MAP7: variants seen among roughly 807,000 people sequenced by gnomAD.
The protein encoded by MAP7 is microtubule associated protein 7, also known as ensconsin.
Under a neutral mutation model 94.8 loss-of-function variants are expected in MAP7, and 52 were observed. That is an observed-to-expected ratio of 0.55 (90% confidence interval 0.44 to 0.69). The LOEUF (loss-of-function observed/expected upper bound fraction) is 0.69. MAP7 is among the 30% of genes least tolerant of loss of function. The pLI is 0.00. For missense variants in MAP7, 940 were observed against 964.6 expected (o/e 0.97, Z 0.34); for synonymous variants, 350 against 357.0 (o/e 0.98, Z 0.22).
At chr6:136,525,448 A>G (rs368970817) in intron 1 of MAP7, among the ~76,000 whole-genome samples, 2 of 152,198 alleles carry the variant, frequency 1.3e-5, no homozygotes, top group South Asian at 4.1e-4. Flanking sequence ...TAAAATAAGC[A>G]AAAATTATCT....
At chr6:136,429,272 T>A (rs1370454282) in intron 1 of MAP7, among the ~76,000 whole-genome samples, 1 of 152,212 alleles carries the variant, frequency 6.6e-6, no homozygotes, top group African/African-American at 2.4e-5. Context: ...ACAGTGAGAA[T>A]CTCAGGAATT....
intron 12 of MAP7, 61 bp downstream of exon 12, chr6:136,360,944 G>C (rs1285572231): frequency 6.5e-7 from 1 of 1,547,290 alleles, no homozygotes; most frequent in East Asian, 2.3e-5. Flanking sequence ...ACCCTCCTCT[G>C]CTGGGCTGGG....
chr6:136,421,374 C>T (rs1481554418), intron 2 of MAP7, among the ~76,000 whole-genome samples: 2 of 152,204 alleles, frequency 1.3e-5, no homozygotes, highest in Admixed American at 6.5e-5. Context: ...ATTATTACCC[C>T]TTTAAGCTGC....
chr6:136,489,526 CTTTTTTTTTT>C (rs1164047042), intron 1 of MAP7, among the ~76,000 whole-genome samples: 3,421 of 103,020 alleles, frequency 0.033, 155 homozygotes, highest in African/African-American at 0.12. Flanking sequence ...CATCAGGTTT[CTTTTTTTTTT>C]TTTTTTTTTT....
chr6:136,527,794 C>T (rs1475618906), intron 1 of MAP7, among the ~76,000 whole-genome samples: 4 of 152,124 alleles, frequency 2.6e-5, no homozygotes, highest in African/African-American at 7.2e-5. Flanking sequence ...TATTGTCCAG[C>T]ATGGTGCTGG....
chr6:136,447,170 A>G (rs1799612191), intron 1 of MAP7, among the ~76,000 whole-genome samples: 1 of 152,196 alleles, frequency 6.6e-6, no homozygotes, highest in African/African-American at 2.4e-5. Context: ...CACCCCCCCG[A>G]AATTTGTTGT....
intron 16 of MAP7, among the ~76,000 whole-genome samples, chr6:136,354,444 ATAG>A (rs959390622): frequency 1.5e-5 from 2 of 132,604 alleles, no homozygotes; most frequent in African/African-American, 6.4e-5. Flanking sequence ...ATATATATAT[ATAG>A]TAGATATATA....
At chr6:136,449,288 C>A (rs1032236782) in intron 1 of MAP7, among the ~76,000 whole-genome samples, 3 of 150,086 alleles carry the variant, frequency 2.0e-5, no homozygotes, top group Admixed American at 6.6e-5. Context: ...GAGCAAGACT[C>A]CTTCAAACAA....
At chr6:136,394,259 A>G (rs1016888778) in intron 3 of MAP7, among the ~76,000 whole-genome samples, 4 of 152,162 alleles carry the variant, frequency 2.6e-5, no homozygotes, top group Admixed American at 1.3e-4. Flanking sequence ...CTAGGATTAC[A>G]GGCGTGAGCC....
intron 13 of MAP7, among the ~76,000 whole-genome samples, chr6:136,360,394 C>T (rs374004840): frequency 6.9e-4 from 105 of 152,276 alleles, no homozygotes; most frequent in African/African-American, 2.4e-3. Flanking sequence ...ATCTACCTGC[C>T]GTGGCCTCCC....
chr6:136,369,570 C>CAAA (rs55957965), intron 8 of MAP7, among the ~76,000 whole-genome samples: 4 of 145,910 alleles, frequency 2.7e-5, no homozygotes, highest in Admixed American at 6.8e-5. Context: ...GAGACTGTCT[C>CAAA]AAAAAAAAAA....
At chr6:136,498,740 T>C (rs1207900432) in intron 1 of MAP7, among the ~76,000 whole-genome samples, 5 of 149,434 alleles carry the variant, frequency 3.3e-5, no homozygotes, top group Non-Finnish European at 5.9e-5. Context: ...CAATTGTACC[T>C]ATATGGCAAT....
chr6:136,422,880 T>A (rs942337352), intron 1 of MAP7, among the ~76,000 whole-genome samples: 4 of 152,222 alleles, frequency 2.6e-5, no homozygotes, highest in Non-Finnish European at 5.9e-5. Context: ...AGTCTGTATT[T>A]CTTCAAAAAC....
At chr6:136,471,556 G>GT (rs1340589127) in intron 1 of MAP7, among the ~76,000 whole-genome samples, 14 of 151,420 alleles carry the variant, frequency 9.2e-5, no homozygotes, top group Admixed American at 5.9e-4. Flanking sequence ...AGTTGCTGGG[G>GT]GTTTTTTTAG....
rs536381034 is a variant in MAP7 at position 136,394,373 on chromosome 6, T to C, written c.245-4856A>G. ...AAGCTTTTTAGTGGCTGTATGGTAT[T>C]TCACTGTCTATGCACATTATTTTTT... On this transcript the variant is annotated intron_variant, in intron 3 of 17. Coordinates refer to ENST00000354570, the MANE Select transcript of MAP7 (RefSeq NM_003980.6). Among the ~76,000 whole-genome samples the C allele has an allele frequency of 3.3e-5, 5 of 152,300 alleles. No homozygotes were observed. In the East Asian group the frequency reaches 7.7e-4, roughly 24 times the overall value.
chr6:136,491,264 G>A (rs1405056883), intron 1 of MAP7, among the ~76,000 whole-genome samples: 1 of 152,128 alleles, frequency 6.6e-6, no homozygotes, highest in Non-Finnish European at 1.5e-5. Context: ...AAATTGTCAT[G>A]TTAGGTCAAA....
At chr6:136,365,535 C>T (rs1179438818) in intron 10 of MAP7, among the ~76,000 whole-genome samples, 200 bp downstream of exon 10, 2 of 152,012 alleles carry the variant, frequency 1.3e-5, no homozygotes, top group Non-Finnish European at 2.9e-5. Context: ...TAATTTTTTA[C>T]TTAGCGTTGC....
intron 1 of MAP7, chr6:136,466,657 C>A: frequency 1.8e-6 from 2 of 1,098,294 alleles, no homozygotes; most frequent in South Asian, 1.7e-5. Flanking sequence ...TCTGTACTTC[C>A]ACTTGTTATA....
chr6:136,402,132 C>A (rs1013542327), intron 3 of MAP7, among the ~76,000 whole-genome samples: 2 of 152,196 alleles, frequency 1.3e-5, no homozygotes, highest in African/African-American at 4.8e-5. Context: ...CTCAGAAGCT[C>A]CTTCCTCTGA....
Sources: gnomAD v4.1 joint callset for allele counts (sites outside exome capture counted in the v4.1 genomes callset) on GRCh38, gnomAD v4.1.1 for gene constraint, MANE v1.5 for transcripts, NCBI Gene and HGNC (gene_info 2026-07-23, HGNC 2026-07-21) for gene names.